MACROD2: variants seen among roughly 807,000 people sequenced by gnomAD.
The protein encoded by MACROD2 is ADP-ribose glycohydrolase MACROD2.
In MACROD2, 36 loss-of-function variants were observed where a neutral mutation model predicts 70.4. The ratio of observed to expected loss-of-function variants is 0.51; its 90% CI spans 0.39 to 0.68. The LOEUF (loss-of-function observed/expected upper bound fraction) is 0.68. Ranked by LOEUF, MACROD2 falls within the 30% of genes least tolerant of loss-of-function variation. The probability of loss-of-function intolerance (pLI) is 0.00; values close to 1 mark genes in which losing one functional copy is unlikely to be tolerated. For missense variants in MACROD2, 496 were observed against 538.4 expected, an observed-to-expected ratio of 0.92 and a Z score of 0.78; for synonymous variants, 172 against 178.8, an observed-to-expected ratio of 0.96 and a Z score of 0.30.
chr20:14,914,300 G>A (rs886338525), intron 5 of MACROD2, among the ~76,000 whole-genome samples: 6 of 152,146 alleles, frequency 3.9e-5, no homozygotes, highest in Non-Finnish European at 7.4e-5. Context: ...AGGGAGGTGA[G>A]CTGCTCACAG....
At chr20:15,732,516 T>G (rs1363812780) in intron 8 of MACROD2, among the ~76,000 whole-genome samples, 1 of 152,244 alleles carries the variant, frequency 6.6e-6, no homozygotes, top group East Asian at 1.9e-4. Flanking sequence ...CCTGTTGAAT[T>G]TTGTCAAATG....
chr20:15,137,778 T>G (rs1183217062), intron 5 of MACROD2, among the ~76,000 whole-genome samples: 1 of 152,078 alleles, frequency 6.6e-6, no homozygotes, highest in African/African-American at 2.4e-5. Flanking sequence ...AATATGCACA[T>G]TTAGATAGAT....
At chr20:15,175,319 C>A (rs2076452400) in intron 5 of MACROD2, among the ~76,000 whole-genome samples, 1 of 150,610 alleles carries the variant, frequency 6.6e-6, no homozygotes, top group Admixed American at 6.6e-5. Flanking sequence ...AGGAGATATA[C>A]CTAATGCTAA....
intron 8 of MACROD2, among the ~76,000 whole-genome samples, chr20:15,546,346 T>C (rs2048026129): frequency 6.6e-6 from 1 of 152,202 alleles, no homozygotes; most frequent in Non-Finnish European, 1.5e-5. Flanking sequence ...TTCTCCTTTA[T>C]TCCTCTCAAC....
chr20:15,915,684 G>C (rs1409840456), intron 10 of MACROD2, among the ~76,000 whole-genome samples: 1 of 152,170 alleles, frequency 6.6e-6, no homozygotes, highest in African/African-American at 2.4e-5. Context: ...GTGTGGGGGT[G>C]TAGGGAGGCA....
chr20:15,683,973 C>A (rs1414716486), intron 8 of MACROD2, among the ~76,000 whole-genome samples: 1 of 152,038 alleles, frequency 6.6e-6, no homozygotes, highest in Non-Finnish European at 1.5e-5. Flanking sequence ...AGGAGGTAGT[C>A]CATCTTCTTC....
At chr20:16,011,776 G>C (rs2066866498) in intron 15 of MACROD2, among the ~76,000 whole-genome samples, 1 of 152,228 alleles carries the variant, frequency 6.6e-6, no homozygotes, top group Non-Finnish European at 1.5e-5. Flanking sequence ...ACTGGGAGCT[G>C]CCTGTCAGGG....
At chr20:15,833,623 G>A (rs930324407) in intron 8 of MACROD2, among the ~76,000 whole-genome samples, 7 of 152,110 alleles carry the variant, frequency 4.6e-5, no homozygotes, top group African/African-American at 1.4e-4. Flanking sequence ...TAAGAAAATG[G>A]AATGAACATA....
intron 5 of MACROD2, among the ~76,000 whole-genome samples, chr20:14,742,901 G>T (rs2071750812): frequency 6.6e-6 from 1 of 150,852 alleles, no homozygotes; most frequent in South Asian, 2.1e-4. Flanking sequence ...CAAGTAGCTG[G>T]GTCTACAGGC....
At chr20:15,497,233 A>G (rs539527136) in intron 7 of MACROD2, among the ~76,000 whole-genome samples, 2 of 152,274 alleles carry the variant, frequency 1.3e-5, no homozygotes, top group South Asian at 4.2e-4. Flanking sequence ...CAGGGCAGAG[A>G]TGGACTGAAA....
intron 4 of MACROD2, among the ~76,000 whole-genome samples, chr20:14,621,600 T>C (rs185237092): frequency 2.6e-5 from 4 of 152,262 alleles, no homozygotes; most frequent in Admixed American, 2.6e-4. Context: ...CTAAGATAAC[T>C]TTAAATCAGC....
At chr20:15,155,854 G>GA (rs10536310) in intron 5 of MACROD2, among the ~76,000 whole-genome samples, 143 of 150,366 alleles carry the variant, frequency 9.5e-4, no homozygotes, top group African/African-American at 2.1e-3. Flanking sequence ...ATGAGGAATA[G>GA]AAAAAAAAAA....
chr20:14,178,076 A>C (rs968913267), intron 3 of MACROD2, among the ~76,000 whole-genome samples: 1 of 152,194 alleles, frequency 6.6e-6, no homozygotes, highest in Non-Finnish European at 1.5e-5. Context: ...GACAAAGTGC[A>C]AGGAAATATT....
rs56752104 is a variant in MACROD2 at position 15,206,721 on chromosome 20, G to GTTTTTTTTTTTTTTTTTTTTTTTT, written c.419-23216_419-23193dup. Among the ~76,000 whole-genome samples the GTTTTTTTTTTTTTTTTTTTTTTTT allele has an allele frequency of 1.5e-3, 49 of 33,000 alleles. 21 individuals are homozygous for GTTTTTTTTTTTTTTTTTTTTTTTT. The highest frequency in any genetic ancestry group is 2.3e-3 in the African/African-American group (15 of 6,544). 21.6% of individuals were successfully genotyped at this position (33,000 alleles called of 152,430 possible). On this transcript the variant is annotated intron_variant, in intron 5 of 17. Coordinates refer to ENST00000684519, the MANE Select transcript of MACROD2 (RefSeq NM_001351661.2). ...GCATGAAGTCTTTCATATTATCTAT[G>GTTTTTTTTTTTTTTTTTTTTTTTT]TTTTTTTTTTTTTTTTTTTTTTTTT...
At chr20:15,224,304 A>G (rs1185736637) in intron 5 of MACROD2, among the ~76,000 whole-genome samples, 1 of 152,248 alleles carries the variant, frequency 6.6e-6, no homozygotes, top group Non-Finnish European at 1.5e-5. Flanking sequence ...CAGAATTTGC[A>G]TGTATACAAG....
chr20:15,197,069 G>A (rs199309), intron 5 of MACROD2: 166,731 of 975,588 alleles, frequency 0.17, 15,071 homozygotes, highest in African/African-American at 0.31. Context: ...GTCCTTATAA[G>A]GTCCTCTTCA....
At chr20:15,853,864 A>G (rs564248519) in intron 8 of MACROD2, among the ~76,000 whole-genome samples, 153 of 152,300 alleles carry the variant, frequency 1.0e-3, no homozygotes, top group African/African-American at 2.9e-3. Context: ...TTAAGGCACT[A>G]ACCCCCAGAG....
intron 3 of MACROD2, among the ~76,000 whole-genome samples, chr20:14,387,391 G>T (rs1193853104): frequency 6.6e-6 from 1 of 151,840 alleles, no homozygotes; most frequent in African/African-American, 2.4e-5. Flanking sequence ...TATATTCTTT[G>T]TCATGTGTGG....
chr20:15,408,851 C>T (rs1428826847), intron 6 of MACROD2, among the ~76,000 whole-genome samples: 2 of 152,132 alleles, frequency 1.3e-5, no homozygotes, highest in African/African-American at 2.4e-5. Context: ...AGGTAAAACA[C>T]GTTGATTTGT....
Sources: gnomAD v4.1 joint callset for allele counts (sites outside exome capture counted in the v4.1 genomes callset) on GRCh38, gnomAD v4.1.1 for gene constraint, MANE v1.5 for transcripts, NCBI Gene and HGNC (gene_info 2026-07-23, HGNC 2026-07-21) for gene names.